The following DIS3L2 variants were observed in gnomAD, a reference collection of about 807,000 sequenced individuals.
DIS3L2 encodes DIS3-like exonuclease 2.
DIS3L2 carries 34 observed loss-of-function variants against 97.5 expected under a neutral mutation model. The ratio of observed to expected loss-of-function variants is 0.35; its 90% CI spans 0.27 to 0.46. DIS3L2 has a LOEUF of 0.46. Ranked by LOEUF, DIS3L2 falls within the 20% of genes least tolerant of loss-of-function variation. DIS3L2 has a pLI of 1.00. For missense variants in DIS3L2, 1,038 were observed against 1,146.0 expected, an observed-to-expected ratio of 0.91 and a Z score of 1.36; for synonymous variants, 435 against 445.2, an observed-to-expected ratio of 0.98 and a Z score of 0.29.
At chr2:232,012,745 G>A (rs1318782521) in intron 1 of DIS3L2, among the ~76,000 whole-genome samples, 1 of 151,962 alleles carries the variant, frequency 6.6e-6, no homozygotes, top group Non-Finnish European at 1.5e-5. Flanking sequence ...ATTTTGTCAG[G>A]GTAAGAGTGC....
chr2:231,977,525 T>C (rs1250217509), intron 1 of DIS3L2, among the ~76,000 whole-genome samples: 1 of 152,196 alleles, frequency 6.6e-6, no homozygotes, highest in Non-Finnish European at 1.5e-5. Context: ...TAAGGGTCAT[T>C]GTGTGATCTT....
intron 6 of DIS3L2, among the ~76,000 whole-genome samples, chr2:232,128,061 C>T (rs554100392): frequency 2.6e-5 from 4 of 152,074 alleles, no homozygotes; most frequent in African/African-American, 7.2e-5. Context: ...AGTGATCCTC[C>T]CACGTGAACC....
At chr2:232,199,127 T>C (rs930336312) in intron 9 of DIS3L2, among the ~76,000 whole-genome samples, 5 of 152,260 alleles carry the variant, frequency 3.3e-5, no homozygotes, top group Non-Finnish European at 7.3e-5. Flanking sequence ...ACCTCTGATA[T>C]CTTCTTCACA....
chr2:231,987,963 C>T (rs1693465742), intron 1 of DIS3L2, among the ~76,000 whole-genome samples: 1 of 152,178 alleles, frequency 6.6e-6, no homozygotes, highest in East Asian at 1.9e-4. Flanking sequence ...CCTGCCTCAG[C>T]CTCCCAAGTA....
chr2:232,339,512 C>T (rs1266339975), downstream of DIS3L2, among the ~76,000 whole-genome samples: 1 of 152,200 alleles, frequency 6.6e-6, no homozygotes, highest in Non-Finnish European at 1.5e-5. Flanking sequence ...GGGCTTCCGC[C>T]AGAGTTGTGT....
chr2:232,001,557 C>CTTTTTTTTTTTTGTTTT (rs1693904840), intron 1 of DIS3L2, among the ~76,000 whole-genome samples: 1 of 61,920 alleles, frequency 1.6e-5, no homozygotes, highest in African/African-American at 8.7e-5. Context: ...TGCCATTTGT[C>CTTTTTTTTTTTTGTTTT]TTTTTTTTTT....
chr2:231,964,533 G>T (rs922681799), intron 1 of DIS3L2, among the ~76,000 whole-genome samples: 1 of 152,172 alleles, frequency 6.6e-6, no homozygotes, highest in African/African-American at 2.4e-5. Flanking sequence ...GCTGTACTAA[G>T]AAAACTGTAA....
intron 5 of DIS3L2, among the ~76,000 whole-genome samples, chr2:232,051,629 G>A (rs1399371528): frequency 2.0e-5 from 3 of 151,064 alleles, no homozygotes; most frequent in Non-Finnish European, 3.0e-5. Flanking sequence ...CGGCTAAAAC[G>A]GTGAAACACC....
chr2:232,060,845 A>G (rs903797683), intron 5 of DIS3L2, among the ~76,000 whole-genome samples: 2 of 152,118 alleles, frequency 1.3e-5, no homozygotes, highest in African/African-American at 4.8e-5. Flanking sequence ...TCAGTGTTTT[A>G]TAATATTTAT....
intron 1 of DIS3L2, among the ~76,000 whole-genome samples, chr2:232,010,902 T>G (rs1371457482): frequency 6.6e-6 from 1 of 152,258 alleles, no homozygotes; most frequent in East Asian, 1.9e-4. Context: ...CTGTCCCAAA[T>G]AGGCTTCATT....
chr2:232,115,377 T>A (rs1234765122), intron 6 of DIS3L2, among the ~76,000 whole-genome samples: 1 of 152,170 alleles, frequency 6.6e-6, no homozygotes, highest in East Asian at 1.9e-4. Context: ...TTGCATTCAA[T>A]CTTTATGTCA....
chr2:231,978,367 T>C (rs1693155347), intron 1 of DIS3L2: 1 of 152,270 alleles, frequency 6.6e-6, no homozygotes, highest in Non-Finnish European at 1.5e-5. Context: ...GGTTTAATTT[T>C]ACATGTTTTT....
chr2:232,161,763 G>GCCT (rs1690659659), intron 8 of DIS3L2, among the ~76,000 whole-genome samples: 1 of 150,760 alleles, frequency 6.6e-6, no homozygotes, highest in Non-Finnish European at 1.5e-5. Context: ...GAGCCACCGT[G>GCCT]CCTGACCCCA....
At chr2:232,141,750 T>C (rs1239444228) in intron 8 of DIS3L2, among the ~76,000 whole-genome samples, 1 of 152,210 alleles carries the variant, frequency 6.6e-6, no homozygotes, top group Non-Finnish European at 1.5e-5. Flanking sequence ...CTTTGTCTCC[T>C]AGCTTTTCAC....
rs371861666 is a variant in DIS3L2 at position 232,034,355 on chromosome 2, CT to C, written c.366+4279del. ...TAATGCGTCTATTTGATTCTTCTCTCTTTTCTTCTTCATTAGGCTGTCTACT... is the reference window on the plus strand; with the variant it reads ...TAATGCGTCTATTTGATTCTTCTCTCTTTCTTCTTCATTAGGCTGTCTACT... On this transcript the variant is annotated intron_variant, in intron 5 of 20. Coordinates refer to ENST00000325385, the MANE Select transcript of DIS3L2 (RefSeq NM_152383.5). Among the ~76,000 whole-genome samples, 1,003 of 152,236 alleles carry C rather than the reference CT, an allele frequency of 6.6e-3. 11 individuals are homozygous for C. Among genetic ancestry groups the C allele is most frequent in the Middle Eastern group, 0.034 (10 of 294 alleles).
At chr2:232,319,373 A>G (rs766144321) in intron 14 of DIS3L2, among the ~76,000 whole-genome samples, 5 of 152,248 alleles carry the variant, frequency 3.3e-5, no homozygotes, top group Non-Finnish European at 7.3e-5. Flanking sequence ...ACAGCCAAAC[A>G]TGGCACATGA....
At chr2:232,010,680 C>T (rs148371569) in intron 1 of DIS3L2, among the ~76,000 whole-genome samples, 33 of 152,184 alleles carry the variant, frequency 2.2e-4, no homozygotes, top group Admixed American at 4.6e-4. Context: ...CTCTGATACT[C>T]GTAAGTACTA....
intron 5 of DIS3L2, among the ~76,000 whole-genome samples, chr2:232,069,776 C>T (rs1431828108): frequency 2.0e-5 from 3 of 152,106 alleles, no homozygotes; most frequent in Non-Finnish European, 4.4e-5. Context: ...AGAAGCTGTC[C>T]TGATAATGGA....
At chr2:232,219,382 G>A (rs577070528) in intron 10 of DIS3L2, among the ~76,000 whole-genome samples, 1 of 152,264 alleles carries the variant, frequency 6.6e-6, no homozygotes, top group East Asian at 1.9e-4. Flanking sequence ...GCAACCTATT[G>A]CATACCTTCA....
Sources: gnomAD v4.1 joint callset for allele counts (sites outside exome capture counted in the v4.1 genomes callset) on GRCh38, gnomAD v4.1.1 for gene constraint, MANE v1.5 for transcripts, NCBI Gene and HGNC (gene_info 2026-07-23, HGNC 2026-07-21) for gene names.